TENM4: variants seen among roughly 807,000 people sequenced by gnomAD.
The protein encoded by TENM4 is teneurin transmembrane protein 4, also known as teneurin-4.
A neutral mutation model predicts 243.3 loss-of-function variants in TENM4; 82 were observed. That is an observed-to-expected ratio of 0.34 (90% CI 0.28 to 0.40). The LOEUF is 0.40. Ranked by LOEUF, TENM4 falls within the 10% of genes least tolerant of loss-of-function variation. TENM4 has a pLI of 1.00. For synonymous variants in TENM4, 1,412 were observed against 1,456.3 expected (o/e 0.97, Z 0.69); for missense variants, 3,138 against 3,673.3 (o/e 0.85, Z 3.77).
intron 12 of TENM4, among the ~76,000 whole-genome samples, chr11:78,842,090 T>C (rs1858270966): frequency 1.3e-5 from 2 of 152,182 alleles, no homozygotes; most frequent in South Asian, 2.1e-4. Flanking sequence ...CTGTCTCAAA[T>C]TCAGAGCTAT....
At chr11:78,982,720 G>A (rs554447451) in intron 6 of TENM4, among the ~76,000 whole-genome samples, 6 of 152,322 alleles carry the variant, frequency 3.9e-5, no homozygotes, top group Non-Finnish European at 5.9e-5. Flanking sequence ...TATACAAAGC[G>A]CAACAGATGG....
chr11:79,387,542 A>C (rs553842391), intron 1 of TENM4, among the ~76,000 whole-genome samples: 7 of 152,344 alleles, frequency 4.6e-5, no homozygotes, highest in Admixed American at 4.6e-4. Flanking sequence ...AGGTTGTTGC[A>C]GGATGACAGT....
intron 4 of TENM4, among the ~76,000 whole-genome samples, chr11:79,079,635 G>A: frequency 6.6e-6 from 1 of 152,130 alleles, no homozygotes; most frequent in Admixed American, 6.5e-5. Flanking sequence ...TTTGTGACCA[G>A]CCTGGCCAAT....
rs999145068 is a variant in TENM4, at chr11:78,654,933, G to A, written c.*3125C>T. ...ACCAGTTGGCAGCTGTGCGGGGTAG[G>A]AGAGAAGGCAGGAACTGTAGGATCA... is the stretch of plus-strand genomic sequence containing the variant. On this transcript the variant is annotated 3_prime_UTR_variant, in exon 34 of 34. Transcript: ENST00000278550. The A allele has an allele frequency of 5.2e-5, 8 of 152,478 alleles. No individual in the cohort carries two copies. The highest frequency in any genetic ancestry group is 1.9e-4 in the African/African-American group (8 of 41,450). The allele number at this position is 152,478 out of a possible 1,614,324, so 9.4% of individuals were successfully genotyped here.
chr11:79,263,157 C>T (rs1347112756), intron 2 of TENM4, among the ~76,000 whole-genome samples: 3 of 152,240 alleles, frequency 2.0e-5, no homozygotes, highest in African/African-American at 7.2e-5. Context: ...TAAAAGCCCT[C>T]CCGTTTCCCT....
chr11:79,274,129 G>A (rs1276714038), intron 2 of TENM4, among the ~76,000 whole-genome samples: 1 of 152,220 alleles, frequency 6.6e-6, no homozygotes, highest in South Asian at 2.1e-4. Flanking sequence ...TGTTAGGAGG[G>A]AAGTCCTAAT....
intron 1 of TENM4, among the ~76,000 whole-genome samples, chr11:79,433,209 A>G (rs751687119): frequency 1.1e-4 from 17 of 152,306 alleles, no homozygotes; most frequent in Non-Finnish European, 1.8e-4. Context: ...TTGCTACTCC[A>G]TGTGTGGACA....
chr11:78,722,575 C>T, intron 24 of TENM4, 93 bp downstream of exon 24: 2 of 1,515,000 alleles, frequency 1.3e-6, no homozygotes, highest in African/African-American at 2.8e-5. Context: ...TGTCCTATCC[C>T]ACTTCCCTGG....
rs376689388 is a variant in TENM4 at position 79,148,461 on chromosome 11, G to A, written c.-66+249C>T. Among the ~76,000 whole-genome samples the A allele has an allele frequency of 2.1e-3, 315 of 152,052 alleles. 12 individuals carry two copies. The South Asian group carries it at 0.05, about 24-fold the overall frequency. Reference sequence around the variant, plus strand: ...CCCAGCATCCAGGAGGGAATGGTCCGTACCTCTAAAACCCTTTTATCTCTA... The same window carrying A: ...CCCAGCATCCAGGAGGGAATGGTCCATACCTCTAAAACCCTTTTATCTCTA... On this transcript the variant is annotated intron_variant, in intron 4 of 33. Transcript: ENST00000278550.
At chr11:79,264,103 C>T (rs1392552388) in intron 2 of TENM4, among the ~76,000 whole-genome samples, 5 of 152,240 alleles carry the variant, frequency 3.3e-5, no homozygotes, top group East Asian at 1.9e-4. Context: ...GAACTGCAAG[C>T]GCCGTTTTGC....
intron 6 of TENM4, among the ~76,000 whole-genome samples, chr11:79,037,038 A>G (rs1010024458): frequency 2.0e-5 from 3 of 148,314 alleles, no homozygotes; most frequent in Admixed American, 7.0e-5. Flanking sequence ...AAAAAAAAAA[A>G]AAAAAAAGAA....
chr11:79,139,698 A>AT lies in TENM4; in HGVS notation c.-66+9011dup, dbSNP rs1565220630. Among the ~76,000 whole-genome samples, 195 of 101,680 alleles carry AT rather than the reference A, an allele frequency of 1.9e-3. 21 individuals carry two copies. Among genetic ancestry groups the AT allele is most frequent in the African/African-American group, 6.4e-3 (152 of 23,932 alleles). 66.7% of individuals were successfully genotyped at this position (101,680 alleles called of 152,430 possible). A position where few individuals can be genotyped will look rare whatever the true frequency, so the allele number is the denominator to read the frequency against. On this transcript the variant is annotated intron_variant, in intron 4 of 33. Coordinates refer to ENST00000278550, the MANE Select transcript of TENM4 (RefSeq NM_001098816.3). ...TTTTATATAAGTATATAAAATATATATAATATTTATATAAGTATATAAAAT... is the reference window on the plus strand; with the variant it reads ...TTTTATATAAGTATATAAAATATATATTAATATTTATATAAGTATATAAAAT...
chr11:78,869,840 T>C (rs1040964626), intron 9 of TENM4, among the ~76,000 whole-genome samples: 2 of 152,156 alleles, frequency 1.3e-5, no homozygotes, highest in Non-Finnish European at 2.9e-5. Context: ...AGACAAAGAT[T>C]TCGCTGACAG....
chr11:79,192,361 G>A (rs924571432), intron 3 of TENM4, among the ~76,000 whole-genome samples: 2 of 152,202 alleles, frequency 1.3e-5, no homozygotes, highest in African/African-American at 4.8e-5. Flanking sequence ...GAAATCGGAT[G>A]GTTGCCGTGT....
chr11:79,414,147 C>T lies in TENM4; in HGVS notation c.-321+26362G>A, dbSNP rs562211693. On this transcript the variant is annotated intron_variant, in intron 1 of 33. Coordinates refer to ENST00000278550, the MANE Select transcript of TENM4 (RefSeq NM_001098816.3). Reference sequence around the variant, plus strand: ...ACTCACACACACATGAACACATATACACACATGTGTACACACACACACACA... The same window carrying T: ...ACTCACACACACATGAACACATATATACACATGTGTACACACACACACACA... Among the ~76,000 whole-genome samples the T allele has an allele frequency of 3.4e-5, 4 of 117,782 alleles. No homozygotes were observed. In the South Asian group the frequency reaches 1.3e-3, roughly 38 times the overall value. 77.3% of individuals were successfully genotyped at this position (117,782 alleles called of 152,430 possible).
chr11:78,894,979 TAAAAAAAAAAA>T (rs67819510), intron 7 of TENM4, among the ~76,000 whole-genome samples: 7 of 59,472 alleles, frequency 1.2e-4, no homozygotes, highest in East Asian at 1.3e-3. Flanking sequence ...GACTCGGCCT[TAAAAAAAAAAA>T]AAAAAAAAAA....
chr11:78,769,008 G>A (rs896750771), intron 18 of TENM4, among the ~76,000 whole-genome samples: 5 of 152,170 alleles, frequency 3.3e-5, no homozygotes, highest in Non-Finnish European at 5.9e-5. Flanking sequence ...AGAGAGGTAC[G>A]CCCTTTCCCC....
intron 2 of TENM4, among the ~76,000 whole-genome samples, chr11:79,235,248 G>A (rs1422712356): frequency 1.3e-5 from 2 of 152,160 alleles, no homozygotes; most frequent in African/African-American, 4.8e-5. Flanking sequence ...GGGAGGCAGA[G>A]GTTGCAGTGA....
chr11:79,419,838 C>T (rs1435737466), intron 1 of TENM4, among the ~76,000 whole-genome samples: 3 of 152,172 alleles, frequency 2.0e-5, no homozygotes, highest in African/African-American at 7.2e-5. Flanking sequence ...CTTCTCTGGG[C>T]CTTCAGTTTC....
Sources: gnomAD v4.1 joint callset for allele counts (sites outside exome capture counted in the v4.1 genomes callset) on GRCh38, gnomAD v4.1.1 for gene constraint, MANE v1.5 for transcripts, NCBI Gene and HGNC (gene_info 2026-07-23, HGNC 2026-07-21) for gene names.